Variants in DZIP1 observed in about 807,000 individuals in gnomAD.
DZIP1 encodes cilium assembly protein DZIP1.
In DZIP1, 97 loss-of-function variants were observed where a neutral mutation model predicts 107.6. The ratio of observed to expected loss-of-function variants is 0.90; its 90% CI spans 0.77 to 1.07. The LOEUF is 1.07. Ranked by LOEUF, DZIP1 falls within the 50% of genes least tolerant of loss-of-function variation. DZIP1 has a pLI of 0.00. For synonymous variants in DZIP1, 390 were observed against 386.4 expected, an observed-to-expected ratio of 1.01 and a Z score of -0.11; for missense variants, 1,035 against 1,063.6, an observed-to-expected ratio of 0.97 and a Z score of 0.37.
Position 95,642,239 on chromosome 13 carries a change from A to G in DZIP1, c.-210T>C, listed in dbSNP as rs1449792460. On this transcript the variant is annotated splice_region_variant and 5_prime_UTR_variant, in exon 4 of 23. Coordinates refer to ENST00000376829, the MANE Select transcript of DZIP1 (RefSeq NM_198968.4). ...CGCGCAGGGTCAGCGTGCACCCAGAACCCTGCGGGACCAGAGAAGACCTCT... is the reference window on the plus strand; with the variant it reads ...CGCGCAGGGTCAGCGTGCACCCAGAGCCCTGCGGGACCAGAGAAGACCTCT... 2.0e-5 allele frequency: 11 copies of G among 541,540 alleles called. No individual in the cohort carries two copies. The highest frequency in any genetic ancestry group is 3.4e-5 in the Non-Finnish European group (11 of 321,870). The allele number at this position is 541,540 out of a possible 1,614,324, so 33.5% of individuals were successfully genotyped here.
intron 15 of DZIP1, among the ~76,000 whole-genome samples, chr13:95,595,642 C>T (rs1468483680): frequency 6.6e-6 from 1 of 152,072 alleles, no homozygotes; most frequent in Non-Finnish European, 1.5e-5. Flanking sequence ...ATCAAGTGTG[C>T]AACTGTCTAG....
chr13:95,588,083 T>C (rs909620950), intron 19 of DZIP1: 2 of 176,804 alleles, frequency 1.1e-5, no homozygotes, highest in African/African-American at 2.4e-5. Context: ...TAAAATTGTG[T>C]CATTACTTAC....
intron 5 of DZIP1, among the ~76,000 whole-genome samples, chr13:95,634,004 T>A (rs9556493): frequency 0.11 from 17,295 of 152,196 alleles, 995 homozygotes; most frequent in Middle Eastern, 0.17. Context: ...GAAAACTACC[T>A]CTTGACAGTT....
intron 15 of DZIP1, among the ~76,000 whole-genome samples, chr13:95,596,112 G>A (rs1236466887): frequency 1.3e-5 from 2 of 152,060 alleles, no homozygotes; most frequent in Non-Finnish European, 2.9e-5. Context: ...GGTGGGGCTG[G>A]CCAATGGAAG....
chr13:95,601,606 G>A (rs1871087791), intron 14 of DZIP1, among the ~76,000 whole-genome samples: 2 of 152,120 alleles, frequency 1.3e-5, no homozygotes, highest in Non-Finnish European at 2.9e-5. Flanking sequence ...CCATCACAAA[G>A]GCCACTGCAG....
At chr13:95,642,888 G>A (rs1242482566) in intron 3 of DZIP1, among the ~76,000 whole-genome samples, 155 bp downstream of exon 3, 1 of 152,082 alleles carries the variant, frequency 6.6e-6, no homozygotes, top group Non-Finnish European at 1.5e-5. Flanking sequence ...ATAACATTTT[G>A]ATAAAAGTAC....
At chr13:95,629,941 T>A in intron 7 of DZIP1, 48 bp downstream of exon 7, 1 of 1,535,832 alleles carries the variant, frequency 6.5e-7, no homozygotes. Flanking sequence ...ATAATTGAAT[T>A]ACATACAGTT....
rs182432624 is a variant in DZIP1, at chr13:95,620,567, G to A, written c.1111-620C>T. Among the ~76,000 whole-genome samples the A allele has an allele frequency of 7.2e-5, 11 of 152,250 alleles. No individual in the cohort carries two copies. The East Asian group carries it at 2.1e-3, about 29-fold the overall frequency. ...ACAGTAAATATCATAGGCTCTGGGG[G>A]CCAGACAACTTGGTCACAACACAAC... On this transcript the variant is annotated intron_variant, in intron 9 of 22. Coordinates refer to ENST00000376829, the MANE Select transcript of DZIP1 (RefSeq NM_198968.4).
chr13:95,604,470 T>C (rs781227329), intron 14 of DZIP1, among the ~76,000 whole-genome samples: 9 of 152,184 alleles, frequency 5.9e-5, no homozygotes, highest in Non-Finnish European at 1.0e-4. Context: ...GTAGGCCCTG[T>C]GCCAGGTCTG....
At position 95,581,913 on chromosome 13, in the gene DZIP1, C is replaced by T. The variant is rs191816628; in HGVS notation, c.*321G>A. ...ATGCTGTAAGTTTAAAAAAAATTCA[C>T]TAAAAAATTAGTTGAAAAAAATACA... On this transcript the variant is annotated 3_prime_UTR_variant, in exon 23 of 23. Transcript: ENST00000376829. 1.0e-4 allele frequency: 20 copies of T among 197,340 alleles called. No individual in the cohort carries two copies. The highest frequency in any genetic ancestry group is 4.6e-4 in the African/African-American group (20 of 43,376). The allele number at this position is 197,340 out of a possible 1,614,324, so 12.2% of individuals were successfully genotyped here.
intron 15 of DZIP1, among the ~76,000 whole-genome samples, chr13:95,598,158 A>G (rs1478325477): frequency 6.6e-6 from 1 of 152,240 alleles, no homozygotes; most frequent in East Asian, 1.9e-4. Flanking sequence ...TTCTGAAAGA[A>G]GCAGGTTTCT....
At chr13:95,594,206 A>C in intron 15 of DZIP1, 120 bp from the exon 16 acceptor site, 2 of 825,234 alleles carry the variant, frequency 2.4e-6, no homozygotes, top group South Asian at 3.8e-5. Context: ...TGATGTTTTA[A>C]AGTTTTTGGA....
rs1228302966 is a variant in DZIP1, at chr13:95,610,312, G to GT, written c.1364-800_1364-799insA. Among the ~76,000 whole-genome samples the GT allele has an allele frequency of 2.9e-5, 4 of 135,982 alleles. No individual in the cohort carries two copies. In the East Asian group the frequency reaches 8.9e-4, roughly 30 times the overall value. The allele number at this position is 135,982 out of a possible 152,430, so 89.2% of individuals were successfully genotyped here. A position where few individuals can be genotyped will look rare whatever the true frequency, so the allele number is the denominator to read the frequency against. The stretch of plus-strand genomic sequence containing the variant: ...ACTTTAGAATAATTAAGAGTTTTTT[G>GT]GTTTTTTTTTTTTAAGAGATGTGGG... On this transcript the variant is annotated intron_variant, in intron 12 of 22. Transcript: ENST00000376829.
At chr13:95,612,422 A>C (rs887516748) in intron 10 of DZIP1, among the ~76,000 whole-genome samples, 4 of 152,208 alleles carry the variant, frequency 2.6e-5, no homozygotes, top group Non-Finnish European at 5.9e-5. Context: ...CAGCTTAGCC[A>C]ACTACAGCAC....
chr13:95,590,465 G>T (rs1445834442), intron 16 of DZIP1, 24 bp from the exon 17 acceptor site: 1 of 1,581,436 alleles, frequency 6.3e-7, no homozygotes, highest in African/African-American at 1.4e-5. Flanking sequence ...ATGTTAAGTT[G>T]GCCAGTTATC....
intron 14 of DZIP1, among the ~76,000 whole-genome samples, chr13:95,603,174 G>T (rs2044667825): frequency 1.3e-5 from 2 of 151,812 alleles, no homozygotes; most frequent in Non-Finnish European, 2.9e-5. Flanking sequence ...CAAAAAATTA[G>T]TCAGGTATGG....
At chr13:95,611,893 A>G (rs1172631423) in intron 11 of DZIP1, 144 bp downstream of exon 11, 1 of 1,022,566 alleles carries the variant, frequency 9.8e-7, no homozygotes, top group African/African-American at 1.6e-5. Context: ...TTATTGCACT[A>G]ACTTTTACAA....
chr13:95,629,265 CGT>C (rs1876912646), intron 7 of DZIP1, among the ~76,000 whole-genome samples: 3 of 152,238 alleles, frequency 2.0e-5, no homozygotes, highest in Non-Finnish European at 4.4e-5. Flanking sequence ...CAATGGCATA[CGT>C]GGTACCCACG....
chr13:95,585,982 T>C (rs1326543105), intron 21 of DZIP1, 24 bp downstream of exon 21: 12 of 1,576,846 alleles, frequency 7.6e-6, no homozygotes, highest in Non-Finnish European at 8.6e-7. Flanking sequence ...TTTATGTATA[T>C]CTAGCAAGTA....
Sources: gnomAD v4.1 joint callset for allele counts (sites outside exome capture counted in the v4.1 genomes callset) on GRCh38, gnomAD v4.1.1 for gene constraint, MANE v1.5 for transcripts, NCBI Gene and HGNC (gene_info 2026-07-23, HGNC 2026-07-21) for gene names.